TBCEL: variants seen among roughly 807,000 people sequenced by gnomAD.
The protein encoded by TBCEL is tubulin folding cofactor E like.
Under a neutral mutation model 44.2 loss-of-function variants are expected in TBCEL, and 15 were observed. The observed-to-expected ratio is 0.34, with a 90% CI of 0.23 to 0.52. The LOEUF is 0.52. TBCEL is among the 20% of genes least tolerant of loss of function. TBCEL has a pLI of 0.95. For missense variants in TBCEL, 319 were observed against 506.3 expected, an observed-to-expected ratio of 0.63 and a Z score of 3.55; for synonymous variants, 171 against 185.4, an observed-to-expected ratio of 0.92 and a Z score of 0.63.
At chr11:121,059,888 G>A (rs957763604) in intron 7 of TBCEL, 81 bp from the exon 8 acceptor site, 5 of 961,060 alleles carry the variant, frequency 5.2e-6, no homozygotes, top group Admixed American at 2.2e-5. Flanking sequence ...ATAAGACTGG[G>A]CCACAAGCCA....
intron 8 of TBCEL, among the ~76,000 whole-genome samples, chr11:121,075,367 A>C (rs1946014526): frequency 6.6e-6 from 1 of 151,918 alleles, no homozygotes; most frequent in African/African-American, 2.4e-5. Flanking sequence ...ACCTCAACCT[A>C]AATCTGTTGA....
At chr11:121,061,862 C>A (rs1945729709) in intron 8 of TBCEL, among the ~76,000 whole-genome samples, 1 of 152,030 alleles carries the variant, frequency 6.6e-6, no homozygotes, top group Non-Finnish European at 1.5e-5. Flanking sequence ...TTAGGCTGTA[C>A]TACATTTATA....
In TBCEL at chr11:121,089,702, G is replaced by T. The variant is rs778126004; in HGVS notation, c.*2606G>T. 6.6e-6 allele frequency: 1 copy of T among 152,156 alleles called. No individual in the cohort carries two copies. Among genetic ancestry groups the T allele is most frequent in the Non-Finnish European group, 1.5e-5 (1 of 68,024 alleles). 9.4% of individuals were successfully genotyped at this position (152,156 alleles called of 1,614,324 possible). A position where few individuals can be genotyped will look rare whatever the true frequency, so the allele number is the denominator to read the frequency against. ...GTTTACATGTTATACCTAATTGATT[G>T]TCTGCAGCTTATCTGTATTTTAATA... On this transcript the variant is annotated 3_prime_UTR_variant, in exon 9 of 9. Transcript: ENST00000683345.
At chr11:121,073,384 G>A (rs143551969) in intron 8 of TBCEL, among the ~76,000 whole-genome samples, 1 of 151,216 alleles carries the variant, frequency 6.6e-6, no homozygotes. Context: ...TTCTTTTTAG[G>A]TATCTTAAAC....
At chr11:121,081,302 TG>T (rs1946121091) in intron 8 of TBCEL, among the ~76,000 whole-genome samples, 1 of 152,194 alleles carries the variant, frequency 6.6e-6, no homozygotes, top group Non-Finnish European at 1.5e-5. Flanking sequence ...CATGGTGGAA[TG>T]GACCAGAGAA....
intron 4 of TBCEL, among the ~76,000 whole-genome samples, chr11:121,050,688 T>A (rs187366546): frequency 6.6e-6 from 1 of 151,804 alleles, no homozygotes; most frequent in Admixed American, 6.6e-5. Flanking sequence ...GCCACTCAGG[T>A]AAGGTAGAGA....
chr11:121,065,776 C>G (rs889328855), intron 8 of TBCEL, among the ~76,000 whole-genome samples: 1 of 152,204 alleles, frequency 6.6e-6, no homozygotes, highest in Non-Finnish European at 1.5e-5. Context: ...ACAGCACTCT[C>G]TAAATCACCA....
intron 8 of TBCEL, among the ~76,000 whole-genome samples, chr11:121,074,687 T>C (rs2134999817): frequency 6.6e-6 from 1 of 152,012 alleles, no homozygotes; most frequent in African/African-American, 2.4e-5. Flanking sequence ...AATCAGAATA[T>C]AGAACAGTTC....
At chr11:121,058,012 C>T (rs745959294) in intron 6 of TBCEL, among the ~76,000 whole-genome samples, 3 of 151,714 alleles carry the variant, frequency 2.0e-5, no homozygotes, top group Non-Finnish European at 4.4e-5. Context: ...CTTTAAATTA[C>T]GTAATCATGG....
At chr11:121,084,174 C>T (rs1180925881) in intron 8 of TBCEL, among the ~76,000 whole-genome samples, 1 of 152,184 alleles carries the variant, frequency 6.6e-6, no homozygotes, top group Non-Finnish European at 1.5e-5. Context: ...AAGTTTCCAG[C>T]ACATGAGCTT....
chr11:121,058,493 G>A (rs1945661600), intron 7 of TBCEL, 22 bp downstream of exon 7: 1 of 1,609,592 alleles, frequency 6.2e-7, no homozygotes, highest in South Asian at 1.1e-5. Flanking sequence ...TGATCGTTTT[G>A]CTTTATTTTT....
intron 8 of TBCEL, among the ~76,000 whole-genome samples, chr11:121,067,488 T>C (rs1945841825): frequency 6.6e-6 from 1 of 152,220 alleles, no homozygotes; most frequent in African/African-American, 2.4e-5. Flanking sequence ...ATGGCAATAA[T>C]GGACTAACAA....
At chr11:121,044,517 T>G (rs1945394538) in intron 2 of TBCEL, among the ~76,000 whole-genome samples, 1 of 152,110 alleles carries the variant, frequency 6.6e-6, no homozygotes, top group African/African-American at 2.4e-5. Flanking sequence ...TGATATCCCT[T>G]CTTCTCTGAG....
chr11:121,043,056 C>T (rs1361611494), intron 2 of TBCEL, among the ~76,000 whole-genome samples: 1 of 152,144 alleles, frequency 6.6e-6, no homozygotes, highest in African/African-American at 2.4e-5. Context: ...TACAGCAACC[C>T]TGTAATCCAT....
chr11:121,076,149 G>C (rs530472133), intron 8 of TBCEL, among the ~76,000 whole-genome samples: 7 of 151,992 alleles, frequency 4.6e-5, no homozygotes, highest in African/African-American at 1.7e-4. Context: ...TTTTCAGCAT[G>C]ATTTAAGCTG....
intron 8 of TBCEL, among the ~76,000 whole-genome samples, chr11:121,066,704 T>C (rs540375004): frequency 1.3e-5 from 2 of 152,352 alleles, no homozygotes; most frequent in South Asian, 4.1e-4. Flanking sequence ...GTATTTGTTA[T>C]GAAATAACGA....
At chr11:121,085,284 C>T (rs1286590257) in intron 8 of TBCEL, among the ~76,000 whole-genome samples, 1 of 152,070 alleles carries the variant, frequency 6.6e-6, no homozygotes, top group Non-Finnish European at 1.5e-5. Flanking sequence ...GTGATCTGCC[C>T]ACCATGGCCT....
At chr11:121,061,242 A>G (rs1018004894) in intron 8 of TBCEL, among the ~76,000 whole-genome samples, 1 of 151,998 alleles carries the variant, frequency 6.6e-6, no homozygotes, top group Non-Finnish European at 1.5e-5. Flanking sequence ...TATAGTATCT[A>G]TGGTTTCATT....
intron 1 of TBCEL, among the ~76,000 whole-genome samples, chr11:121,035,009 G>A (rs1001005769): frequency 1.3e-5 from 2 of 152,108 alleles, no homozygotes; most frequent in Non-Finnish European, 2.9e-5. Flanking sequence ...TCATTAATTG[G>A]CATTAATTTA....
Sources: allele counts gnomAD v4.1 joint callset (sites outside exome capture counted in the v4.1 genomes callset), GRCh38; gene constraint gnomAD v4.1.1; transcripts MANE v1.5; gene names NCBI Gene and HGNC (gene_info 2026-07-23, HGNC 2026-07-21).